The following FBN2 variants were observed in gnomAD, a reference collection of about 807,000 sequenced individuals.
The protein encoded by FBN2 is fibrillin 2.
FBN2 carries 105 observed loss-of-function variants against 355.6 expected under a neutral mutation model. That is an observed-to-expected ratio of 0.30 (90% confidence interval 0.25 to 0.35). The LOEUF is 0.35. Ranked by LOEUF, FBN2 falls within the 10% of genes least tolerant of loss-of-function variation. The pLI is 1.00. For missense variants in FBN2, 3,280 were observed against 3,758.7 expected, an observed-to-expected ratio of 0.87 and a Z score of 3.33; for synonymous variants, 1,350 against 1,301.2, an observed-to-expected ratio of 1.04 and a Z score of -0.81.
chr5:128,303,537 T>C (rs1226471455), intron 45 of FBN2, among the ~76,000 whole-genome samples: 11 of 152,180 alleles, frequency 7.2e-5, no homozygotes, highest in Admixed American at 3.3e-4. Context: ...TTGTATGAAG[T>C]AATGAAATCC....
chr5:128,388,121 T>C (rs1752416034), intron 11 of FBN2, among the ~76,000 whole-genome samples: 1 of 152,202 alleles, frequency 6.6e-6, no homozygotes, highest in South Asian at 2.1e-4. Context: ...TTTTGATCAT[T>C]GTTGGTTTAA....
chr5:128,456,000 A>ACAAAAC (rs1293807502), intron 6 of FBN2, among the ~76,000 whole-genome samples: 1 of 136,060 alleles, frequency 7.3e-6, no homozygotes, highest in Non-Finnish European at 1.5e-5. Flanking sequence ...CAAAAAAAAA[A>ACAAAAC]AAAAAAAAAA....
chr5:128,529,120 C>T (rs886191242), intron 3 of FBN2, among the ~76,000 whole-genome samples: 2 of 152,150 alleles, frequency 1.3e-5, no homozygotes, highest in African/African-American at 2.4e-5. Context: ...CAATTGCTTG[C>T]TATTTCTTGA....
chr5:128,525,927 A>G (rs753226081), intron 4 of FBN2, among the ~76,000 whole-genome samples: 3 of 152,158 alleles, frequency 2.0e-5, no homozygotes, highest in Non-Finnish European at 4.4e-5. Flanking sequence ...TTCACATATT[A>G]TCTATGGTCA....
chr5:128,534,808 A>G (rs1303844856), intron 2 of FBN2, among the ~76,000 whole-genome samples: 1 of 152,214 alleles, frequency 6.6e-6, no homozygotes, highest in Non-Finnish European at 1.5e-5. Flanking sequence ...ATCTGACTTT[A>G]CAGATTTTCA....
rs755489065 is a variant in FBN2 at position 128,335,254 on chromosome 5, C to T, written c.3889G>A (p.Gly1297Ser). 9.3e-6 allele frequency: 15 copies of T among 1,613,864 alleles called. No homozygotes were observed. The highest frequency in any genetic ancestry group is 6.7e-5 in the East Asian group (3 of 44,882). Residue 1297 changes from glycine (G) to serine (S), a missense_variant, in exon 30 of 65, where the codon GGC becomes AGC. Physicochemically the swap from Gly to Ser is moderately conservative, Grantham distance 56. Around this residue, in one of 6 missense-constraint regions of FBN2, gnomAD observed 2,284 missense variants for 2,749.5 expected, o/e 0.83. Coordinates refer to ENST00000262464, the MANE Select transcript of FBN2 (RefSeq NM_001999.4). ...CENNPDICDG[G>S]QCTNIPGEYR... ...TCTCCAGGAATGTTGGTACACTGGC[C>T]GCCATCACAGATATCAGGATTGTTT...
In FBN2 at chr5:128,312,790, G is replaced by A. The variant is rs1581208614; in HGVS notation, c.4723C>T (p.Arg1575Cys). Residue 1575 changes from arginine to cysteine, a missense_variant, in exon 37 of 65, where the codon CGT (arginine) becomes TGT (cysteine). Around this residue, in one of 6 missense-constraint regions of FBN2, gnomAD observed 2,284 missense variants for 2,749.5 expected, o/e 0.83. Coordinates refer to ENST00000262464, the MANE Select transcript of FBN2 (RefSeq NM_001999.4). The part of the protein sequence containing the change: ...NPTGVGCVDN[R>C]VGNCYLKFGP... ...AACTTCAGGTAGCAGTTGCCCACACGGTTGTCTGCAGAGCAACAAAGGAGC... is the reference window on the plus strand; with the variant it reads ...AACTTCAGGTAGCAGTTGCCCACACAGTTGTCTGCAGAGCAACAAAGGAGC... The A allele has an allele frequency of 6.2e-7, 1 of 1,613,526 alleles. No homozygotes were observed. The highest frequency in any genetic ancestry group is 8.5e-7 in the Non-Finnish European group (1 of 1,179,976).
intron 29 of FBN2, 34 bp downstream of exon 29, chr5:128,335,419 TAG>T: frequency 6.2e-7 from 1 of 1,613,966 alleles, no homozygotes; most frequent in Non-Finnish European, 8.5e-7. Context: ...AAAAATTAGT[TAG>T]ATGTACAAAA....
At chr5:128,496,260 T>C (rs1755653607) in intron 5 of FBN2, among the ~76,000 whole-genome samples, 1 of 151,990 alleles carries the variant, frequency 6.6e-6, no homozygotes, top group Non-Finnish European at 1.5e-5. Context: ...ATATTCTATG[T>C]AAATATAAAA....
chr5:128,452,672 T>G (rs1477982383), intron 6 of FBN2, among the ~76,000 whole-genome samples: 2 of 152,214 alleles, frequency 1.3e-5, no homozygotes, highest in East Asian at 3.9e-4. Flanking sequence ...TAACTTTTCT[T>G]GTTACCAAAT....
chr5:128,459,088 C>A (rs1396302501), intron 6 of FBN2, among the ~76,000 whole-genome samples: 3 of 151,962 alleles, frequency 2.0e-5, no homozygotes, highest in Non-Finnish European at 2.9e-5. Flanking sequence ...AGAGAAGAAT[C>A]AAATAGACAC....
intron 5 of FBN2, among the ~76,000 whole-genome samples, chr5:128,478,162 T>A (rs1421067041): frequency 6.6e-6 from 1 of 152,222 alleles, no homozygotes; most frequent in Admixed American, 6.5e-5. Context: ...GGATGAACTA[T>A]GAGTAAGTAT....
At chr5:128,301,357 G>C in intron 47 of FBN2, 25 bp downstream of exon 47, 1 of 1,604,742 alleles carries the variant, frequency 6.2e-7, no homozygotes, top group South Asian at 1.1e-5. Context: ...ACACCACAAA[G>C]ACTGCTTATT....
chr5:128,480,679 A>G (rs1755159429), intron 5 of FBN2, among the ~76,000 whole-genome samples: 1 of 152,114 alleles, frequency 6.6e-6, no homozygotes, highest in Non-Finnish European at 1.5e-5. Context: ...CATTGCAGTG[A>G]GCCAAGATTG....
chr5:128,312,576 G>T, intron 37 of FBN2, 58 bp downstream of exon 37: 1 of 1,593,578 alleles, frequency 6.3e-7, no homozygotes, highest in Non-Finnish European at 8.6e-7. Flanking sequence ...GGAATAAAAT[G>T]GCAACAAATC....
intron 5 of FBN2, among the ~76,000 whole-genome samples, chr5:128,479,972 CTCTCTATATATATA>C (rs1181946738): frequency 3.0e-3 from 61 of 20,458 alleles, no homozygotes; most frequent in Middle Eastern, 0.029. Flanking sequence ...CTCTCTCTCT[CTCTCTATATATATA>C]TATATATATA....
In FBN2 at chr5:128,389,663, C is replaced by T. The variant is rs1025763952; in HGVS notation, c.1603+2355G>A. ...GCTCTGCACAGGCTGGAGTCCTGTC[C>T]CTGCCCCCTATCCAAGCAGCTCTCC... On this transcript the variant is annotated intron_variant, in intron 11 of 64. Transcript: ENST00000262464. Among the ~76,000 whole-genome samples the T allele has an allele frequency of 2.6e-5, 4 of 152,162 alleles. No homozygotes were observed. In the East Asian group the frequency reaches 7.7e-4, roughly 29 times the overall value.
chr5:128,383,760 TC>T (rs1319740184), intron 11 of FBN2, among the ~76,000 whole-genome samples: 1 of 152,014 alleles, frequency 6.6e-6, no homozygotes, highest in Non-Finnish European at 1.5e-5. Flanking sequence ...CAATGAGAAA[TC>T]CCTGCCTACC....
intron 39 of FBN2, 32 bp from the exon 40 acceptor site, chr5:128,310,140 A>C (rs773192387): frequency 6.4e-7 from 1 of 1,560,618 alleles, no homozygotes; most frequent in Non-Finnish European, 8.8e-7. Flanking sequence ...ATTAATTAAT[A>C]AATCTATTTT....
Sources: gnomAD v4.1 joint callset for allele counts (sites outside exome capture counted in the v4.1 genomes callset) on GRCh38, gnomAD v4.1.1 for gene constraint, gnomAD v4.1.1 regional missense constraint, MANE v1.5 for transcripts, NCBI Gene and HGNC (gene_info 2026-07-23, HGNC 2026-07-21) for gene names.